The following PCSK5 variants were observed in gnomAD, a reference collection of about 807,000 sequenced individuals.
PCSK5 encodes the protein prohormone convertase 5.
Under a neutral mutation model 233.2 loss-of-function variants are expected in PCSK5, and 129 were observed. The ratio of observed to expected loss-of-function variants is 0.55; its 90% CI spans 0.48 to 0.64. The LOEUF is 0.64. Ranked by LOEUF, PCSK5 falls within the 30% of genes least tolerant of loss-of-function variation. The pLI is 0.00. For synonymous variants in PCSK5, 825 were observed against 879.2 expected (o/e 0.94, Z 1.09); for missense variants, 2,076 against 2,430.1 (o/e 0.85, Z 3.06).
At chr9:76,158,493 G>C (rs1372724561) in intron 11 of PCSK5, among the ~76,000 whole-genome samples, 1 of 152,170 alleles carries the variant, frequency 6.6e-6, no homozygotes, top group East Asian at 1.9e-4. Context: ...AGAACCTATA[G>C]ACAAGAGGGA....
Position 76,181,561 on chromosome 9 carries a change from C to T in PCSK5, c.2167C>T (p.His723Tyr). The change falls in exon 16 of 38, where the codon CAC (histidine) becomes TAC (tyrosine). Residue 723 changes from histidine (H) to tyrosine (Y), a missense_variant. His to Tyr is a moderately conservative substitution (Grantham distance 83, BLOSUM62 2). Coordinates refer to ENST00000674117, the MANE Select transcript of PCSK5 (RefSeq NM_001372043.1). ...TGAAGAAACCAACAGCTGTGTTACT[C>T]ACTGCCCTGATGGGTCATATCAGGA... Reference protein sequence around the residue: ...LNEETNSCVTHCPDGSYQDTK... With the variant: ...LNEETNSCVTYCPDGSYQDTK... 1 of 1,613,622 alleles carries T rather than the reference C, an allele frequency of 6.2e-7. No individual in the cohort carries two copies. Among genetic ancestry groups the T allele is most frequent in the Non-Finnish European group, 8.5e-7 (1 of 1,179,640 alleles).
chr9:76,018,062 G>A (rs894458246), intron 3 of PCSK5, among the ~76,000 whole-genome samples: 14 of 147,600 alleles, frequency 9.5e-5, no homozygotes, highest in African/African-American at 3.5e-4. Context: ...GCAAAGGGGA[G>A]AACGGAGCCT....
chr9:76,292,212 T>G, intron 24 of PCSK5, 21 bp from the exon 25 acceptor site: 1 of 1,443,100 alleles, frequency 6.9e-7, no homozygotes, highest in Non-Finnish European at 9.6e-7. Context: ...ATTATTACTT[T>G]TTATTATTTT....
intron 20 of PCSK5, among the ~76,000 whole-genome samples, chr9:76,191,569 A>ATTTC (rs1824378321): frequency 6.6e-6 from 1 of 152,144 alleles, no homozygotes; most frequent in Admixed American, 6.5e-5. Flanking sequence ...TTGTGGTCTT[A>ATTTC]TTTCTTTGGA....
chr9:76,000,265 A>T (rs1166470079), intron 3 of PCSK5, among the ~76,000 whole-genome samples: 1 of 152,180 alleles, frequency 6.6e-6, no homozygotes, highest in Non-Finnish European at 1.5e-5. Context: ...TGCAAGTTCT[A>T]TCCCTGATAT....
chr9:76,157,049 C>T lies in PCSK5; in HGVS notation c.1317C>T (p.Ser439=). 6.2e-7 allele frequency: 1 copy of T among 1,610,516 alleles called. No individual in the cohort carries two copies. The highest frequency in any genetic ancestry group is 8.5e-7 in the Non-Finnish European group (1 of 1,176,790). Residue 439 remains serine (S), a synonymous_variant, in exon 11 of 38, where the codon AGC becomes AGT. Coordinates refer to ENST00000674117, the MANE Select transcript of PCSK5 (RefSeq NM_001372043.1). ...CCAGTCTCTCGCTTTCCACAGTGAG[C>T]CATCTTTATGGATTTGGACTGATGG... ...WKTNAAGFKV[S]HLYGFGLMDA...
intron 3 of PCSK5, among the ~76,000 whole-genome samples, chr9:76,011,225 G>A (rs1827718014): frequency 6.6e-6 from 1 of 152,196 alleles, no homozygotes; most frequent in Non-Finnish European, 1.5e-5. Context: ...GGTCGAAGAG[G>A]CAATCTTCTC....
At chr9:76,145,879 A>T (rs1823423264) in intron 10 of PCSK5, among the ~76,000 whole-genome samples, 1 of 152,186 alleles carries the variant, frequency 6.6e-6, no homozygotes, top group South Asian at 2.1e-4. Flanking sequence ...ACCAAATCCA[A>T]AGGCTCAAAA....
intron 2 of PCSK5, among the ~76,000 whole-genome samples, chr9:75,979,987 G>A (rs1826206097): frequency 6.6e-6 from 1 of 152,198 alleles, no homozygotes. Flanking sequence ...AAAAGTAAAT[G>A]AAAGGGTCTT....
intron 24 of PCSK5, among the ~76,000 whole-genome samples, chr9:76,278,745 T>C (rs1425073356): frequency 6.6e-6 from 1 of 152,106 alleles, no homozygotes; most frequent in Non-Finnish European, 1.5e-5. Flanking sequence ...ACCTACCATA[T>C]ACATAGAGAT....
chr9:76,075,833 T>A (rs1278440495), intron 7 of PCSK5, among the ~76,000 whole-genome samples: 2 of 152,234 alleles, frequency 1.3e-5, no homozygotes, highest in African/African-American at 4.8e-5. Flanking sequence ...ATTTATTTAT[T>A]CATCATATTA....
intron 3 of PCSK5, among the ~76,000 whole-genome samples, chr9:76,008,857 C>T (rs1185230367): frequency 6.6e-6 from 1 of 152,122 alleles, no homozygotes; most frequent in African/African-American, 2.4e-5. Flanking sequence ...AGTTACCCAC[C>T]CTTAGACTGG....
intron 30 of PCSK5, among the ~76,000 whole-genome samples, chr9:76,318,935 T>G (rs1265718814): frequency 6.6e-6 from 1 of 152,222 alleles, no homozygotes; most frequent in Non-Finnish European, 1.5e-5. Flanking sequence ...AGAAGATGAC[T>G]AAACTATACA....
chr9:76,179,505 A>G, intron 14 of PCSK5, 91 bp from the exon 15 acceptor site: 1 of 876,476 alleles, frequency 1.1e-6, no homozygotes, highest in Non-Finnish European at 1.8e-6. Context: ...CATAAGAAAA[A>G]AAAAAGTCTT....
intron 35 of PCSK5, among the ~76,000 whole-genome samples, chr9:76,345,030 G>A (rs1348890958): frequency 6.6e-6 from 1 of 151,976 alleles, no homozygotes; most frequent in Admixed American, 6.6e-5. Context: ...TTGTTACAAA[G>A]GTATAGTGCA....
intron 1 of PCSK5, among the ~76,000 whole-genome samples, chr9:75,923,463 A>AG (rs1823343495): frequency 6.6e-6 from 1 of 152,116 alleles, no homozygotes; most frequent in Non-Finnish European, 1.5e-5. Flanking sequence ...TGTGAAAAAA[A>AG]GTGCTTAGCA....
At chr9:76,283,349 A>G (rs1827940960) in intron 24 of PCSK5, among the ~76,000 whole-genome samples, 1 of 152,186 alleles carries the variant, frequency 6.6e-6, no homozygotes, top group Admixed American at 6.5e-5. Context: ...CAGCCACCCC[A>G]ACCTTCAGAA....
At chr9:75,955,141 G>C (rs1276658145) in intron 2 of PCSK5, among the ~76,000 whole-genome samples, 1 of 152,146 alleles carries the variant, frequency 6.6e-6, no homozygotes, top group South Asian at 2.1e-4. Context: ...GTCAATCGAT[G>C]CTTCCGACAA....
At chr9:76,138,721 ACT>A (rs1266644879) in intron 10 of PCSK5, among the ~76,000 whole-genome samples, 1 of 152,004 alleles carries the variant, frequency 6.6e-6, no homozygotes, top group Non-Finnish European at 1.5e-5. Context: ...ATACAGTTAA[ACT>A]CTCTTAAATC....
Sources: gnomAD v4.1 joint callset for allele counts (sites outside exome capture counted in the v4.1 genomes callset) on GRCh38, gnomAD v4.1.1 for gene constraint, MANE v1.5 for transcripts, NCBI Gene and HGNC (gene_info 2026-07-23, HGNC 2026-07-21) for gene names.